The following MCF2L variants were observed in gnomAD, a reference collection of about 807,000 sequenced individuals.
MCF2L encodes MCF.2 cell line derived transforming sequence like, also known as guanine nucleotide exchange factor DBS.
MCF2L carries 97 observed loss-of-function variants against 153.4 expected under a neutral mutation model. The observed-to-expected ratio is 0.63, with a 90% CI of 0.54 to 0.75. The LOEUF is 0.75. Among genes scored for constraint, MCF2L ranks in the 30% least tolerant of loss-of-function variants. MCF2L has a pLI of 0.00. For synonymous variants in MCF2L, 659 were observed against 632.2 expected, an observed-to-expected ratio of 1.04 and a Z score of -0.64; for missense variants, 1,347 against 1,495.2, an observed-to-expected ratio of 0.90 and a Z score of 1.64.
At chr13:112,909,482 G>A in intron 2 of MCF2L, 1 of 584,714 alleles carries the variant, frequency 1.7e-6, no homozygotes, top group South Asian at 2.2e-5. Context: ...GAGCGCACTT[G>A]GGAAGTCCTA....
chr13:113,060,488 C>T lies in MCF2L; in HGVS notation c.370-105C>T, dbSNP rs1280386242. 6.1e-5 allele frequency: 86 copies of T among 1,400,030 alleles called. 1 individual carries two copies. In the South Asian group the frequency reaches 1.0e-3, roughly 17 times the overall value. The allele number at this position is 1,400,030 out of a possible 1,614,324, so 86.7% of individuals were successfully genotyped here. ...ACCTGCTGCGTTGAGGATGCCTGGC[C>T]GCTAGCTGCGCGCCCCCGGTCAGCC... On this transcript the variant is annotated intron_variant, in intron 4 of 29. Coordinates refer to ENST00000535094, the MANE Select transcript of MCF2L (RefSeq NM_001112732.3).
At chr13:112,981,847 C>G (rs896202222) in intron 1 of MCF2L, among the ~76,000 whole-genome samples, 3 of 152,266 alleles carry the variant, frequency 2.0e-5, no homozygotes, top group Non-Finnish European at 4.4e-5. Flanking sequence ...TTGTCCGGCC[C>G]CCTCCCAGCC....
chr13:112,948,486 C>T (rs151253755), intron 2 of MCF2L, among the ~76,000 whole-genome samples: 13 of 152,306 alleles, frequency 8.5e-5, no homozygotes, highest in Non-Finnish European at 1.6e-4. Flanking sequence ...TTAAGCTCTG[C>T]CTTCCACAAA....
At chr13:112,969,078 T>G, upstream of MCF2L, 1 of 247,436 alleles carries the variant, frequency 4.0e-6, no homozygotes, top group Non-Finnish European at 7.5e-6. The surrounding 1 kb of genome is among the most constrained non-coding windows in gnomAD (Gnocchi z 4.8). Context: ...GGCTCCCAGG[T>G]GACCCCGGCG....
intron 11 of MCF2L, 26 bp downstream of exon 11, chr13:113,075,215 C>A (rs746586382): frequency 6.4e-7 from 1 of 1,562,242 alleles, no homozygotes; most frequent in Non-Finnish European, 8.7e-7. Context: ...CCCCACCCCA[C>A]TCCCCCCCAG....
rs1038978004 is a variant in MCF2L at position 113,037,378 on chromosome 13, C to T, written c.279-7893C>T. ...CAAAGATGAAACCACCCCTGCCCAG[C>T]GGCACCATTTGTAGGGACCTTGGAG... On this transcript the variant is annotated intron_variant, in intron 3 of 29. Transcript: ENST00000535094. Among the ~76,000 whole-genome samples, 5 of 152,176 alleles carry T rather than the reference C, an allele frequency of 3.3e-5. No homozygotes were observed. In the East Asian group the frequency reaches 5.8e-4, roughly 18 times the overall value.
rs111754252 is a variant in MCF2L, at chr13:112,989,320, A to C, written c.79+19862A>C. Among the ~76,000 whole-genome samples the C allele has an allele frequency of 9.2e-5, 5 of 54,466 alleles. No homozygotes were observed. The South Asian group carries it at 2.3e-3, about 25-fold the overall frequency. 35.7% of individuals were successfully genotyped at this position (54,466 alleles called of 152,430 possible). ...GAGTCCTCCCTGAGCAGGGGATGGAACTACCACGCCCGAGTCCTCCCTGAG... is the reference window on the plus strand; with the variant it reads ...GAGTCCTCCCTGAGCAGGGGATGGACCTACCACGCCCGAGTCCTCCCTGAG... On this transcript the variant is annotated intron_variant, in intron 1 of 29. Coordinates refer to ENST00000535094, the MANE Select transcript of MCF2L (RefSeq NM_001112732.3).
At chr13:113,015,934 G>A (rs1400061947) in intron 2 of MCF2L, among the ~76,000 whole-genome samples, 3 of 152,156 alleles carry the variant, frequency 2.0e-5, no homozygotes, top group Admixed American at 2.0e-4. Context: ...GGTTCCTCCT[G>A]CGTCCCCAGC....
Position 112,969,360 on chromosome 13 carries a change from C to T in MCF2L, c.-20C>T, listed in dbSNP as rs1005298589. 1.3e-5 allele frequency: 20 copies of T among 1,549,826 alleles called. No homozygotes were observed. In the African/African-American group the frequency reaches 2.2e-4, roughly 17 times the overall value. ...GCGGAGGAAGCGGATCTGCCAGGAT[C>T]ATTTTTGTTGTGTCGGAGGATGAGG... On this transcript the variant is annotated 5_prime_UTR_variant, in exon 1 of 30. Transcript: ENST00000535094. This position sits in a 1 kb window ranked among gnomAD's most constrained non-coding sequence, Gnocchi z 4.8.
chr13:112,953,568 G>A (rs7337437), intron 2 of MCF2L, among the ~76,000 whole-genome samples: 32,809 of 152,234 alleles, frequency 0.22, 3,984 homozygotes, highest in South Asian at 0.3. Flanking sequence ...CAGGAACAAG[G>A]GTCAGGCAGA....
rs111557980 is a variant in MCF2L at position 113,028,869 on chromosome 13, T to G, written c.278+4111T>G. Among the ~76,000 whole-genome samples the G allele has an allele frequency of 1.1e-4, 17 of 148,872 alleles. No individual in the cohort carries two copies. Among genetic ancestry groups the G allele is most frequent in the African/African-American group, 4.0e-4 (16 of 40,220 alleles). ...TGTGGTGTGTGTGGCGTGTGCGGGG[T>G]GTGTGTGGGGTATGTGTGGTGTGTG... On this transcript the variant is annotated intron_variant, in intron 3 of 29. Coordinates refer to ENST00000535094, the MANE Select transcript of MCF2L (RefSeq NM_001112732.3). This position sits in a 1 kb window ranked among gnomAD's most constrained non-coding sequence, Gnocchi z 5.4.
intron 4 of MCF2L, among the ~76,000 whole-genome samples, chr13:113,050,730 GGGGGCGGGGGGA>G: frequency 1.8e-4 from 5 of 27,416 alleles, no homozygotes; most frequent in African/African-American, 5.0e-4. Context: ...CGGGGGCGGG[GGGGGCGGGGGGA>G]GCGGGGGGGT....
chr13:113,012,960 C>T (rs1355860561), intron 1 of MCF2L, among the ~76,000 whole-genome samples: 3 of 142,784 alleles, frequency 2.1e-5, no homozygotes, highest in Non-Finnish European at 3.1e-5. Flanking sequence ...CACTGTGATG[C>T]GGACGGTGGA....
rs150184118 is a variant in MCF2L, at chr13:112,908,879, C to A, written c.169+6508C>A. 3.7e-3 allele frequency among the ~76,000 whole-genome samples: 570 copies of A among 152,162 alleles called. 8 individuals are homozygous for A. Among genetic ancestry groups the A allele is most frequent in the African/African-American group, 0.013 (532 of 41,500 alleles). On this transcript the variant is annotated intron_variant, in intron 2 of 29. Coordinates refer to the MCF2L transcript ENST00000375608. ...TAGCTGGGACTACAGATGCACGCCA[C>A]CGCAACTGGCTAATTTTTGTATTTT...
chr13:112,968,965 C>A, upstream of MCF2L: 1 of 447,058 alleles, frequency 2.2e-6, no homozygotes. Context: ...CCTAGTGACA[C>A]AGGTGACACT....
chr13:113,013,913 G>A (rs1049101958), intron 1 of MCF2L, among the ~76,000 whole-genome samples: 3 of 149,728 alleles, frequency 2.0e-5, no homozygotes, highest in Non-Finnish European at 4.4e-5. Flanking sequence ...CCATGCTCCC[G>A]GCTGGTGCTG....
intron 3 of MCF2L, among the ~76,000 whole-genome samples, chr13:113,038,766 G>T (rs2086300921): frequency 6.6e-6 from 1 of 152,226 alleles, no homozygotes. Context: ...AAGTGACAGT[G>T]ATTAACACAG....
chr13:113,001,845 C>T, intron 1 of MCF2L: 1 of 1,524,678 alleles, frequency 6.6e-7, no homozygotes, highest in Non-Finnish European at 8.8e-7. Context: ...GCTGCGCCAT[C>T]CTTTGTGTGC....
At chr13:113,081,957 G>A (rs1241605156) in intron 16 of MCF2L, among the ~76,000 whole-genome samples, 6 of 146,862 alleles carry the variant, frequency 4.1e-5, no homozygotes, top group South Asian at 2.2e-4. Context: ...TGTAGACAGC[G>A]AGTGTGCACA....
Sources: allele counts gnomAD v4.1 joint callset (sites outside exome capture counted in the v4.1 genomes callset), GRCh38; gene constraint gnomAD v4.1.1; non-coding constraint Gnocchi (gnomAD v3.1); transcripts MANE v1.5; gene names NCBI Gene and HGNC (gene_info 2026-07-23, HGNC 2026-07-21).